Variants in P2RX1 observed in about 807,000 individuals in gnomAD.
P2RX1 encodes the protein purinergic receptor P2X 1.
A neutral mutation model predicts 50.3 loss-of-function variants in P2RX1; 42 were observed. The observed-to-expected ratio is 0.83, with a 90% CI of 0.65 to 1.08. The LOEUF (loss-of-function observed/expected upper bound fraction) is 1.08, where lower values mean the gene tolerates loss of function less well. Ranked by LOEUF, P2RX1 falls within the 50% of genes least tolerant of loss-of-function variation. P2RX1 has a pLI of 0.00. For missense variants in P2RX1, 449 were observed against 529.0 expected (o/e 0.85, Z 1.48); for synonymous variants, 199 against 202.6 (o/e 0.98, Z 0.15).
chr17:3,901,132 A>G (rs930479537), intron 7 of P2RX1, among the ~76,000 whole-genome samples: 2 of 151,908 alleles, frequency 1.3e-5, no homozygotes, highest in Non-Finnish European at 2.9e-5. Flanking sequence ...CAGTGGCACG[A>G]TCTCGGCTCA....
intron 9 of P2RX1, 115 bp downstream of exon 9, chr17:3,898,819 A>G: frequency 1.1e-6 from 1 of 880,862 alleles, no homozygotes; most frequent in Admixed American, 1.7e-5. Flanking sequence ...TTAGAAGTAA[A>G]ACTGCTGGAT....
intron 1 of P2RX1, chr17:3,915,356 A>G (rs1450416923): frequency 2.3e-6 from 1 of 425,850 alleles, no homozygotes; most frequent in Admixed American, 2.6e-5. Context: ...CCAGACACAT[A>G]TAGGCACAGA....
chr17:3,897,938 A>G, intron 11 of P2RX1, 59 bp from the exon 12 acceptor site: 1 of 1,607,620 alleles, frequency 6.2e-7, no homozygotes, highest in Non-Finnish European at 8.5e-7. Flanking sequence ...GCAGCTGCCC[A>G]CGCCCCCCAC....
In P2RX1 at chr17:3,914,212, G is replaced by A. The variant is rs1360989019; in HGVS notation, c.137+1877C>T. ...GCTGACTTTGGAGCCATGCAGGTGGGTTCAAATCCTGGTTAGTCTCTTACT... is the reference window on the plus strand; with the variant it reads ...GCTGACTTTGGAGCCATGCAGGTGGATTCAAATCCTGGTTAGTCTCTTACT... On this transcript the variant is annotated intron_variant, in intron 1 of 11. Coordinates refer to ENST00000225538, the MANE Select transcript of P2RX1 (RefSeq NM_002558.4). The surrounding 1 kb of genome is among the most constrained non-coding windows in gnomAD (Gnocchi z 4.1). Among the ~76,000 whole-genome samples the A allele has an allele frequency of 1.3e-5, 2 of 152,162 alleles. No individual in the cohort carries two copies. Among genetic ancestry groups the A allele is most frequent in the Admixed American group, 1.3e-4 (2 of 15,280 alleles).
rs2143947199 is a variant in P2RX1 at position 3,898,060 on chromosome 17, G to C, written c.1083C>G (p.His361Gln). ...ATTTGAACTTCTTCTGCTTGTAGTA[G>C]TGCCTCTTAGGCAGGATGTGAAGCA... Reference protein sequence around the residue: ...LLLLHILPKRHYYKQKKFKYA... With the variant: ...LLLLHILPKRQYYKQKKFKYA... Residue 361 changes from histidine (H) to glutamine (Q), a missense_variant, in exon 11 of 12, where the codon CAC (histidine) becomes CAG (glutamine). Transcript: ENST00000225538. 2 of 1,613,564 alleles carry C rather than the reference G, an allele frequency of 1.2e-6. No individual in the cohort carries two copies. Among genetic ancestry groups the C allele is most frequent in the Middle Eastern group, 1.6e-4 (1 of 6,062 alleles).
intron 7 of P2RX1, among the ~76,000 whole-genome samples, chr17:3,900,353 C>G (rs1302115583): frequency 2.0e-5 from 3 of 151,868 alleles, no homozygotes; most frequent in African/African-American, 7.3e-5. Flanking sequence ...GCTTGGGAGG[C>G]TGAGGCAGGA....
chr17:3,904,952 G>T, intron 2 of P2RX1, 23 bp from the exon 3 acceptor site: 1 of 1,282,638 alleles, frequency 7.8e-7, no homozygotes, highest in Non-Finnish European at 1.1e-6. Context: ...GGCAGGGGGA[G>T]GGTGGGGTGG....
At chr17:3,901,369 G>GA (rs1338598185) in intron 7 of P2RX1, among the ~76,000 whole-genome samples, 3 of 152,160 alleles carry the variant, frequency 2.0e-5, no homozygotes, top group African/African-American at 7.2e-5. Context: ...ACCCAGCCCT[G>GA]ATGACAGGGA....
rs564720044 is a variant in P2RX1 at position 3,900,004 on chromosome 17, G to A, written c.748-243C>T. On this transcript the variant is annotated intron_variant, in intron 7 of 11. Coordinates refer to ENST00000225538, the MANE Select transcript of P2RX1 (RefSeq NM_002558.4). ...TAATACCAACTACTTGGGAGGCTGA[G>A]GTAGAGGAATCACTTGAACCTGGGA... Among the ~76,000 whole-genome samples the A allele has an allele frequency of 3.3e-5, 5 of 152,328 alleles. 1 individual carries two copies. The highest frequency in any genetic ancestry group is 6.8e-3 in the Middle Eastern group (2 of 294).
At chr17:3,913,498 C>T (rs535810264) in intron 1 of P2RX1, among the ~76,000 whole-genome samples, 12 of 152,354 alleles carry the variant, frequency 7.9e-5, no homozygotes, top group African/African-American at 2.9e-4. Flanking sequence ...GGCCCACTCA[C>T]TGCCTGCACT....
chr17:3,898,626 G>T, intron 9 of P2RX1, 77 bp from the exon 10 acceptor site: 1 of 1,116,972 alleles, frequency 9.0e-7, no homozygotes, highest in East Asian at 2.5e-5. Flanking sequence ...CTGGGACAAG[G>T]GGACTTCCCC....
intron 1 of P2RX1, among the ~76,000 whole-genome samples, chr17:3,906,078 G>A (rs1392009596): frequency 6.6e-6 from 1 of 152,140 alleles, no homozygotes; most frequent in Non-Finnish European, 1.5e-5. Context: ...TTTGGGGTAA[G>A]CTATTCAATC....
At chr17:3,900,158 CAG>C (rs936313780) in intron 7 of P2RX1, among the ~76,000 whole-genome samples, 1 of 149,448 alleles carries the variant, frequency 6.7e-6, no homozygotes, top group East Asian at 2.0e-4. Flanking sequence ...CTCTCAAGAA[CAG>C]ACCATTTTGG....
At chr17:3,910,044 G>A (rs1234593259) in intron 1 of P2RX1, among the ~76,000 whole-genome samples, 1 of 143,790 alleles carries the variant, frequency 7.0e-6, no homozygotes, top group Non-Finnish European at 1.5e-5. Flanking sequence ...AGGCGATCTA[G>A]GCTCACTGCA....
rs144650752 is a variant in P2RX1, at chr17:3,898,934, C to T, written c.966G>A (p.Lys322=). The T allele has an allele frequency of 3.7e-6, 6 of 1,612,314 alleles. No homozygotes were observed. The highest frequency in any genetic ancestry group is 5.1e-6 in the Non-Finnish European group (6 of 1,178,462). Residue 322 remains lysine (K), a splice_region_variant and synonymous_variant, in exon 9 of 12, where the codon AAG becomes AAA. Coordinates refer to ENST00000225538, the MANE Select transcript of P2RX1 (RefSeq NM_002558.4). ...GIRFDILVDG[K]AGKFDIIPTM... ...CACCACCCTCACACTGGACACTCAC[C>T]TTGCCGTCCACCAGGATGTCAAAGC... is the stretch of plus-strand genomic sequence containing the variant.
chr17:3,899,965 G>A (rs1268006827), intron 7 of P2RX1, among the ~76,000 whole-genome samples: 1 of 152,140 alleles, frequency 6.6e-6, no homozygotes, highest in African/African-American at 2.4e-5. Context: ...GCCAGGTGTG[G>A]TGGCGCACGC....
At chr17:3,913,989 A>C (rs572714712) in intron 1 of P2RX1, among the ~76,000 whole-genome samples, 1 of 152,284 alleles carries the variant, frequency 6.6e-6, no homozygotes, top group East Asian at 1.9e-4. Context: ...CTGAGAGGTC[A>C]GTGCAGTACT....
Position 3,899,668 on chromosome 17 carries a change from C to T in P2RX1, c.841G>A (p.Glu281Lys), listed in dbSNP as rs1421043537. Residue 281 changes from glutamate (E) to lysine (K), a missense_variant, in exon 8 of 12, where the codon GAA becomes AAA. By Grantham distance (56) the Glu-to-Lys change is moderately conservative (BLOSUM62 1). Coordinates refer to ENST00000225538, the MANE Select transcript of P2RX1 (RefSeq NM_002558.4). ...AAGCCTGGGGAGAGATTTTTCTCTTCGTACAGCCCATGGAACTCATAGATG... is the reference window on the plus strand; with the variant it reads ...AAGCCTGGGGAGAGATTTTTCTCTTTGTACAGCCCATGGAACTCATAGATG... ...RPIYEFHGLY[E>K]EKNLSPGFNF... 3.1e-6 allele frequency: 5 copies of T among 1,613,756 alleles called. No homozygotes were observed. The highest frequency in any genetic ancestry group is 2.7e-5 in the African/African-American group (2 of 74,916).
Position 3,905,253 on chromosome 17 carries a change from G to A in P2RX1, c.252C>T (p.Val84=), listed in dbSNP as rs2056240722. 1 of 1,613,594 alleles carries A rather than the reference G, an allele frequency of 6.2e-7. No individual in the cohort carries two copies. Among genetic ancestry groups the A allele is most frequent in the South Asian group, 1.1e-5 (1 of 91,086 alleles). ...GGAAGACGTAGTCAGCCACATCCCA[G>A]ACCTGGGGGCCGAGGCCAGGGAGCT... is the stretch of plus-strand genomic sequence containing the variant. ...VTQLPGLGPQ[V]WDVADYVFPA... Residue 84 remains valine (V), a synonymous_variant, in exon 2 of 12, where the codon GTC becomes GTT. Coordinates refer to ENST00000225538, the MANE Select transcript of P2RX1 (RefSeq NM_002558.4).
Sources: gnomAD v4.1 joint callset for allele counts (sites outside exome capture counted in the v4.1 genomes callset) on GRCh38, gnomAD v4.1.1 for gene constraint, Gnocchi (gnomAD v3.1) non-coding constraint, MANE v1.5 for transcripts, NCBI Gene and HGNC (gene_info 2026-07-23, HGNC 2026-07-21) for gene names.